LHFPL3: variants seen among roughly 807,000 people sequenced by gnomAD.
LHFPL3 encodes LHFPL tetraspan subfamily member 3.
In LHFPL3, 5 loss-of-function variants were observed where a neutral mutation model predicts 19.3. That is an observed-to-expected ratio of 0.26 (90% CI 0.14 to 0.54). The LOEUF (loss-of-function observed/expected upper bound fraction) is 0.54. Among genes scored for constraint, LHFPL3 ranks in the 20% least tolerant of loss-of-function variants. The probability of loss-of-function intolerance (pLI) is 0.94; values close to 1 mark genes in which losing one functional copy is unlikely to be tolerated. For missense variants in LHFPL3, 249 were observed against 307.4 expected (o/e 0.81, Z 1.42); for synonymous variants, 133 against 126.2 (o/e 1.05, Z -0.36).
chr7:104,806,270 T>A (rs1340126842), intron 2 of LHFPL3, among the ~76,000 whole-genome samples: 1 of 152,248 alleles, frequency 6.6e-6, no homozygotes, highest in African/African-American at 2.4e-5. Flanking sequence ...AGTTCAGGAC[T>A]AAGTTATTCA....
intron 1 of LHFPL3, among the ~76,000 whole-genome samples, chr7:104,478,142 T>C (rs1793061368): frequency 6.6e-6 from 1 of 152,026 alleles, no homozygotes; most frequent in Non-Finnish European, 1.5e-5. Flanking sequence ...AAAAGTTAAA[T>C]TATTATTGAA....
chr7:104,591,323 C>G (rs62487568), intron 1 of LHFPL3, among the ~76,000 whole-genome samples: 118 of 152,314 alleles, frequency 7.7e-4, no homozygotes, highest in Non-Finnish European at 1.4e-3. Flanking sequence ...TGACAAAAGT[C>G]TCTCAGCATT....
intron 2 of LHFPL3, among the ~76,000 whole-genome samples, chr7:104,825,800 C>T (rs543343133): frequency 6.6e-6 from 1 of 151,794 alleles, no homozygotes; most frequent in Non-Finnish European, 1.5e-5. Context: ...GCATTTTAGA[C>T]AAAAAGAAGG....
chr7:104,474,387 G>A (rs959376300), intron 1 of LHFPL3, among the ~76,000 whole-genome samples: 3 of 151,862 alleles, frequency 2.0e-5, no homozygotes, highest in Non-Finnish European at 2.9e-5. Context: ...GGTCTTGGCC[G>A]GGTGCGGTGT....
At chr7:104,589,699 C>G (rs1040084642) in intron 1 of LHFPL3, among the ~76,000 whole-genome samples, 6 of 152,156 alleles carry the variant, frequency 3.9e-5, no homozygotes, top group African/African-American at 9.7e-5. Flanking sequence ...ACCAGCTCCT[C>G]TTTGTACCTC....
intron 1 of LHFPL3, among the ~76,000 whole-genome samples, chr7:104,357,833 G>A (rs761877552): frequency 2.6e-5 from 4 of 152,000 alleles, no homozygotes; most frequent in African/African-American, 4.8e-5. Flanking sequence ...TCTCAGTTCT[G>A]CTCTTAAGGC....
chr7:104,856,773 G>C (rs551148327), intron 2 of LHFPL3, among the ~76,000 whole-genome samples: 130 of 152,254 alleles, frequency 8.5e-4, no homozygotes, highest in African/African-American at 3.1e-3. Flanking sequence ...CCCCTTTTCA[G>C]TAAGCATGTA....
At chr7:104,358,680 G>C (rs1373355954) in intron 1 of LHFPL3, among the ~76,000 whole-genome samples, 3 of 152,192 alleles carry the variant, frequency 2.0e-5, no homozygotes, top group Non-Finnish European at 4.4e-5. Flanking sequence ...AGAAGCTTTT[G>C]TTTAGAGCAT....
At chr7:104,490,176 G>C (rs1793315198) in intron 1 of LHFPL3, among the ~76,000 whole-genome samples, 1 of 152,108 alleles carries the variant, frequency 6.6e-6, no homozygotes, top group Admixed American at 6.5e-5. Context: ...TAATAGTCCA[G>C]AGTTTTTTCT....
chr7:104,344,632 T>C lies in LHFPL3; in HGVS notation c.445+15408T>C, dbSNP rs577739096. ...TGGCTGAATAGTATTCCATGCTGTA[T>C]GTATATATGCCACATTTTCTTTAGC... On this transcript the variant is annotated intron_variant, in intron 1 of 2. Transcript: ENST00000424859. Among the ~76,000 whole-genome samples the C allele has an allele frequency of 3.2e-3, 483 of 152,352 alleles. 1 individual carries two copies. Among genetic ancestry groups the C allele is most frequent in the Non-Finnish European group, 4.5e-3 (303 of 68,030 alleles).
intron 1 of LHFPL3, among the ~76,000 whole-genome samples, chr7:104,427,084 C>T (rs1368445506): frequency 2.0e-5 from 3 of 152,190 alleles, no homozygotes; most frequent in African/African-American, 7.2e-5. Flanking sequence ...TAAGACCTAA[C>T]GTCTCGAGGT....
chr7:104,789,252 G>A (rs987477774), intron 2 of LHFPL3, among the ~76,000 whole-genome samples: 3 of 151,980 alleles, frequency 2.0e-5, no homozygotes, highest in East Asian at 3.9e-4. Flanking sequence ...TCCCTCTTTC[G>A]CACACAGACA....
intron 1 of LHFPL3, among the ~76,000 whole-genome samples, chr7:104,627,321 T>G (rs1270043099): frequency 6.6e-6 from 1 of 152,212 alleles, no homozygotes; most frequent in African/African-American, 2.4e-5. Context: ...TTTTTAAGGC[T>G]GAACAGCATT....
chr7:104,880,682 A>T (rs925469885), intron 2 of LHFPL3, among the ~76,000 whole-genome samples: 2 of 152,266 alleles, frequency 1.3e-5, no homozygotes, highest in Admixed American at 1.3e-4. Context: ...AAAAAAAAAA[A>T]AAGATTCCTT....
chr7:104,425,113 TA>T (rs780618147), intron 1 of LHFPL3, among the ~76,000 whole-genome samples: 95 of 146,316 alleles, frequency 6.5e-4, no homozygotes, highest in Middle Eastern at 3.8e-3. Flanking sequence ...TGAGGGACAA[TA>T]AAAAGTATTC....
intron 1 of LHFPL3, among the ~76,000 whole-genome samples, chr7:104,470,764 C>T (rs891794951): frequency 5.3e-5 from 8 of 152,196 alleles, no homozygotes; most frequent in African/African-American, 1.2e-4. Context: ...GAAGCTCCAA[C>T]ATGACTACAT....
At chr7:104,870,832 C>T (rs1791820879) in intron 2 of LHFPL3, among the ~76,000 whole-genome samples, 1 of 152,052 alleles carries the variant, frequency 6.6e-6, no homozygotes, top group Non-Finnish European at 1.5e-5. Context: ...CCAAAATCTG[C>T]CAGAGTAAAG....
chr7:104,345,852 T>C (rs1424085303), intron 1 of LHFPL3, among the ~76,000 whole-genome samples: 1 of 152,174 alleles, frequency 6.6e-6, no homozygotes, highest in Non-Finnish European at 1.5e-5. Flanking sequence ...TTTTCTATGA[T>C]ATGAAAAAGA....
chr7:104,831,387 G>A (rs1467314865), intron 2 of LHFPL3, among the ~76,000 whole-genome samples: 2 of 151,932 alleles, frequency 1.3e-5, no homozygotes, highest in African/African-American at 4.8e-5. Flanking sequence ...GAAAAACTGA[G>A]TTTGTTTCTT....
Sources: allele counts gnomAD v4.1 joint callset (sites outside exome capture counted in the v4.1 genomes callset), GRCh38; gene constraint gnomAD v4.1.1; transcripts MANE v1.5; gene names NCBI Gene and HGNC (gene_info 2026-07-23, HGNC 2026-07-21).